SH3BP5: variants seen among roughly 807,000 people sequenced by gnomAD.
SH3BP5 encodes SH3 domain binding protein 5.
Under a neutral mutation model 43.3 loss-of-function variants are expected in SH3BP5, and 22 were observed. The observed-to-expected ratio is 0.51, with a 90% CI of 0.36 to 0.73. The LOEUF is 0.73. Among genes scored for constraint, SH3BP5 ranks in the 30% least tolerant of loss-of-function variants. The pLI is 0.00. For missense variants in SH3BP5, 529 were observed against 586.9 expected, an observed-to-expected ratio of 0.90 and a Z score of 1.02; for synonymous variants, 255 against 225.8, an observed-to-expected ratio of 1.13 and a Z score of -1.16.
intron 2 of SH3BP5, among the ~76,000 whole-genome samples, chr3:15,304,615 G>T (rs1329947662): frequency 6.6e-6 from 1 of 151,872 alleles, no homozygotes; most frequent in Non-Finnish European, 1.5e-5. Flanking sequence ...AGGAGTTGGA[G>T]ACCAGCCTGG....
At chr3:15,300,186 T>C (rs550222361) in intron 3 of SH3BP5, among the ~76,000 whole-genome samples, 7 of 152,266 alleles carry the variant, frequency 4.6e-5, no homozygotes, top group African/African-American at 1.7e-4. Flanking sequence ...TAAGAGAAGG[T>C]ACTAGGATTA....
rs565464561 is a variant in SH3BP5, at chr3:15,294,330, T to TGTGTGC, written c.330+9772_330+9773insGCACAC. ...GTGTGTGTGTGTGTGTGTGTGTGTG[T>TGTGTGC]GCGCGCGCATGTTTACGTAACTCCC... On this transcript the variant is annotated intron_variant, in intron 3 of 8. Transcript: ENST00000383791. 8.9e-3 allele frequency among the ~76,000 whole-genome samples: 1,079 copies of TGTGTGC among 121,488 alleles called. 15 individuals carry two copies. The highest frequency in any genetic ancestry group is 0.029 in the South Asian group (110 of 3,844). 79.7% of individuals were successfully genotyped at this position (121,488 alleles called of 152,430 possible). A position where few individuals can be genotyped will look rare whatever the true frequency, so the allele number is the denominator to read the frequency against.
At chr3:15,312,480 T>A (rs1355188642) in intron 2 of SH3BP5, among the ~76,000 whole-genome samples, 1 of 152,176 alleles carries the variant, frequency 6.6e-6, no homozygotes, top group Non-Finnish European at 1.5e-5. Context: ...TTACCAAGAA[T>A]GTGAAGGGGG....
intron 3 of SH3BP5, among the ~76,000 whole-genome samples, chr3:15,296,694 C>T (rs370442117): frequency 4.0e-5 from 5 of 124,932 alleles, no homozygotes; most frequent in South Asian, 2.5e-4. Flanking sequence ...AGTGTTTTTC[C>T]TTTTTTTTTT....
chr3:15,296,898 T>C (rs1428167172), intron 3 of SH3BP5, among the ~76,000 whole-genome samples: 2 of 149,968 alleles, frequency 1.3e-5, no homozygotes, highest in Non-Finnish European at 3.0e-5. Context: ...TGTCTCACCA[T>C]GTTGCCCAGG....
intron 2 of SH3BP5, among the ~76,000 whole-genome samples, chr3:15,315,891 T>C (rs1007829968): frequency 2.0e-5 from 3 of 152,206 alleles, no homozygotes; most frequent in South Asian, 2.1e-4. Flanking sequence ...CCCTTTACCC[T>C]GAAATATTTC....
chr3:15,291,084 G>A (rs1249763837), intron 3 of SH3BP5, among the ~76,000 whole-genome samples: 1 of 152,152 alleles, frequency 6.6e-6, no homozygotes, highest in Non-Finnish European at 1.5e-5. Context: ...GAGGGTTGGG[G>A]TGGACAGAAA....
chr3:15,304,676 G>A (rs1457386209), intron 2 of SH3BP5, among the ~76,000 whole-genome samples: 5 of 152,122 alleles, frequency 3.3e-5, no homozygotes, highest in African/African-American at 9.6e-5. Context: ...TTAGCCAGGC[G>A]TGGTAGCAGG....
At chr3:15,304,068 T>C (rs200715714) in intron 3 of SH3BP5, 35 bp downstream of exon 3, 182 of 1,583,842 alleles carry the variant, frequency 1.1e-4, no homozygotes, top group Non-Finnish European at 1.5e-4. Context: ...GTAGTGAGGC[T>C]CGAGGTAGGG....
At chr3:15,339,546 C>G (rs1056176946) in intron 1 of SH3BP5, among the ~76,000 whole-genome samples, 2 of 151,974 alleles carry the variant, frequency 1.3e-5, no homozygotes, top group African/African-American at 2.4e-5. Context: ...ACCATCTCTA[C>G]TAAAAATACA....
At chr3:15,291,896 T>C (rs1289513844) in intron 3 of SH3BP5, among the ~76,000 whole-genome samples, 2 of 152,146 alleles carry the variant, frequency 1.3e-5, no homozygotes, top group East Asian at 3.9e-4. Context: ...AAGTCACAAC[T>C]GGAAGGGCTG....
intron 2 of SH3BP5, among the ~76,000 whole-genome samples, chr3:15,311,775 G>A (rs1698064932): frequency 6.6e-6 from 1 of 152,084 alleles, no homozygotes; most frequent in Non-Finnish European, 1.5e-5. Flanking sequence ...CTGGGCTCAA[G>A]CAATGCCCCT....
chr3:15,338,570 T>A (rs1284893067), intron 1 of SH3BP5, among the ~76,000 whole-genome samples: 1 of 151,976 alleles, frequency 6.6e-6, no homozygotes, highest in Non-Finnish European at 1.5e-5. Flanking sequence ...AGGCCTGGGG[T>A]ATGTGCTGCC....
chr3:15,271,448 G>A (rs111788396), intron 3 of SH3BP5, among the ~76,000 whole-genome samples: 6,857 of 152,198 alleles, frequency 0.045, 509 homozygotes, highest in African/African-American at 0.15. Context: ...GGGAGGCTGA[G>A]GCAGGTGGAT....
At chr3:15,335,435 G>A (rs61145600), upstream of SH3BP5, among the ~76,000 whole-genome samples, 25,707 of 151,946 alleles carry the variant, frequency 0.17, 2,242 homozygotes, top group Middle Eastern at 0.31. Context: ...AAATTAGCAA[G>A]GCATGGTAGC....
In SH3BP5 at chr3:15,256,005, A is replaced by C; in HGVS notation, c.*81T>G. On this transcript the variant is annotated 3_prime_UTR_variant, in exon 9 of 9. Coordinates refer to ENST00000383791, the MANE Select transcript of SH3BP5 (RefSeq NM_004844.5). ...AGAGTAGACGTGTAAGATTTGGCAT[A>C]TATTAAATGATTATTGGCACAATGT... 1 of 1,138,158 alleles carries C rather than the reference A, an allele frequency of 8.8e-7. No homozygotes were observed. Among genetic ancestry groups the C allele is most frequent in the Non-Finnish European group, 1.3e-6 (1 of 774,066 alleles). 70.5% of individuals were successfully genotyped at this position (1,138,158 alleles called of 1,614,324 possible).
At chr3:15,309,891 A>G (rs1241402362) in intron 2 of SH3BP5, among the ~76,000 whole-genome samples, 1 of 146,870 alleles carries the variant, frequency 6.8e-6, no homozygotes, top group Non-Finnish European at 1.5e-5. Context: ...ACACAAAGCC[A>G]GTCTTCCCCG....
At chr3:15,295,034 CTTCCCCTCAAGCCT>C (rs1051752506) in intron 3 of SH3BP5, among the ~76,000 whole-genome samples, 1 of 152,072 alleles carries the variant, frequency 6.6e-6, no homozygotes, top group Non-Finnish European at 1.5e-5. Context: ...ACAGTGTGTC[CTTCCCCTCAAGCCT>C]TTCCCCTCAA....
chr3:15,335,356 C>T (rs927008126), upstream of SH3BP5, among the ~76,000 whole-genome samples: 63 of 151,718 alleles, frequency 4.2e-4, no homozygotes, highest in African/African-American at 1.3e-3. Context: ...CCAGCCTGAA[C>T]GACAGAGTAG....
Sources: allele counts gnomAD v4.1 joint callset (sites outside exome capture counted in the v4.1 genomes callset), GRCh38; gene constraint gnomAD v4.1.1; transcripts MANE v1.5; gene names NCBI Gene and HGNC (gene_info 2026-07-23, HGNC 2026-07-21).